The following DHODH variants were observed in gnomAD, a reference collection of about 807,000 sequenced individuals.
DHODH encodes dihydroorotate dehydrogenase (quinone).
DHODH carries 30 observed loss-of-function variants against 39.7 expected under a neutral mutation model. The observed-to-expected ratio is 0.76, with a 90% CI of 0.57 to 1.02. The LOEUF (loss-of-function observed/expected upper bound fraction) is 1.02, where lower values mean the gene tolerates loss of function less well. Among genes scored for constraint, DHODH ranks in the 50% least tolerant of loss-of-function variants. The probability of loss-of-function intolerance (pLI) is 0.00; values close to 1 mark genes in which losing one functional copy is unlikely to be tolerated. For missense variants in DHODH, 531 were observed against 520.8 expected, an observed-to-expected ratio of 1.02 and a Z score of -0.19; for synonymous variants, 222 against 213.8, an observed-to-expected ratio of 1.04 and a Z score of -0.34.
chr16:72,018,184 C>T (rs1169316350), intron 4 of DHODH, among the ~76,000 whole-genome samples: 4 of 152,316 alleles, frequency 2.6e-5, no homozygotes, highest in East Asian at 3.9e-4. Flanking sequence ...TGTCCTGACC[C>T]TAATGCCCCT....
intron 5 of DHODH, among the ~76,000 whole-genome samples, chr16:72,021,770 C>T (rs1228168491): frequency 6.6e-6 from 1 of 152,132 alleles, no homozygotes; most frequent in Non-Finnish European, 1.5e-5. Flanking sequence ...TTGAGACCAG[C>T]CTGGGCAAAA....
In DHODH at chr16:72,027,584, C is replaced by G. The variant is rs2041286707; in HGVS notation, c.*3385C>G. The G allele has an allele frequency of 6.6e-6, 1 of 152,220 alleles. No homozygotes were observed. The highest frequency in any genetic ancestry group is 1.5e-5 in the Non-Finnish European group (1 of 68,046). The allele number at this position is 152,220 out of a possible 1,614,324, so 9.4% of individuals were successfully genotyped here. ...GCAGAATTCCAAATGTTATTTACAT[C>G]ACTCACTCTTGTGTGGAGTGCATAA... On this transcript the variant is annotated 3_prime_UTR_variant, in exon 9 of 9. Transcript: ENST00000219240.
chr16:72,008,837 C>A, intron 1 of DHODH, 52 bp downstream of exon 1: 1 of 1,552,016 alleles, frequency 6.4e-7, no homozygotes, highest in Non-Finnish European at 8.7e-7. Flanking sequence ...CCGGGGAGGG[C>A]GAGAACGGAG....
rs1018299876 is a variant in DHODH at position 72,015,237 on chromosome 16, A to G, written c.434+565A>G. Among the ~76,000 whole-genome samples the G allele has an allele frequency of 5.3e-4, 81 of 152,368 alleles. 1 individual carries two copies. Among genetic ancestry groups the G allele is most frequent in the African/African-American group, 1.7e-3 (72 of 41,586 alleles). Reference sequence around the variant, plus strand: ...TTCTTTTGCCTGTACCAAGTCTTCAAGAGCCAGTGTGCATTTTACTTCCAG... The same window carrying G: ...TTCTTTTGCCTGTACCAAGTCTTCAGGAGCCAGTGTGCATTTTACTTCCAG... On this transcript the variant is annotated intron_variant, in intron 3 of 8. Coordinates refer to ENST00000219240, the MANE Select transcript of DHODH (RefSeq NM_001361.5).
intron 1 of DHODH, chr16:72,008,988 C>G (rs2041051423): frequency 6.8e-7 from 1 of 1,466,196 alleles, no homozygotes. Context: ...GTGCAGACAG[C>G]GCCTGCAGGT....
chr16:72,014,828 G>A (rs749711209), intron 3 of DHODH, among the ~76,000 whole-genome samples, 156 bp downstream of exon 3: 8 of 152,136 alleles, frequency 5.3e-5, no homozygotes, highest in Admixed American at 2.6e-4. Flanking sequence ...TCTACTATGT[G>A]CCCCAGGCAT....
chr16:72,022,597 T>C (rs914670061), intron 6 of DHODH, 122 bp downstream of exon 6: 37 of 813,718 alleles, frequency 4.5e-5, no homozygotes, highest in Non-Finnish European at 5.3e-5. Flanking sequence ...CAAGGCTGGT[T>C]TGGTGTGTGT....
intron 2 of DHODH, among the ~76,000 whole-genome samples, chr16:72,012,578 C>G (rs8061292): frequency 6.6e-6 from 1 of 152,202 alleles, no homozygotes; most frequent in Admixed American, 6.5e-5. Flanking sequence ...TCAAGTCACA[C>G]AGCTAGGAGG....
At chr16:72,009,232 G>C (rs1348660348) in intron 1 of DHODH, 1 of 738,056 alleles carries the variant, frequency 1.4e-6, no homozygotes, top group East Asian at 1.2e-4. Context: ...GGCCGGGCGC[G>C]GTGGCTCACG....
At chr16:72,014,443 G>A (rs553151962) in intron 2 of DHODH, 30 bp from the exon 3 acceptor site, 39 of 1,600,974 alleles carry the variant, frequency 2.4e-5, no homozygotes, top group South Asian at 6.6e-5. Flanking sequence ...TAGCCTTAGC[G>A]TGCCTCTGAC....
chr16:72,023,268 TC>T lies in DHODH; in HGVS notation c.925del (p.Arg309GlyfsTer21). The T allele has an allele frequency of 8.7e-6, 14 of 1,614,190 alleles. No homozygotes were observed. Among genetic ancestry groups the T allele is most frequent in the Non-Finnish European group, 1.1e-5 (13 of 1,180,038 alleles). On this transcript the variant is annotated frameshift_variant, in exon 7 of 9. Coordinates refer to ENST00000219240, the MANE Select transcript of DHODH (RefSeq NM_001361.5). LOFTEE classifies it high-confidence loss of function. ...SETGGLSGKP[L>X]RDLSTQTIRE... is the part of the protein sequence containing the mutation. The stretch of plus-strand genomic sequence containing the variant: ...ACAGGAGGGCTGAGTGGGAAGCCCC[TC>T]CGGGATTTATCAACTCAAACCATTC...
rs148338434 is a variant in DHODH, at chr16:72,025,373, T to G, written c.*1174T>G. ...TGTTATCTGTTTAGTTACTTTATGT[T>G]TTCATACAAATGACATCATCCCACA... On this transcript the variant is annotated 3_prime_UTR_variant, in exon 9 of 9. Transcript: ENST00000219240. 15 of 152,374 alleles carry G rather than the reference T, an allele frequency of 9.8e-5. No homozygotes were observed. The East Asian group carries it at 2.7e-3, about 27-fold the overall frequency. 9.4% of individuals were successfully genotyped at this position (152,374 alleles called of 1,614,324 possible). A position where few individuals can be genotyped will look rare whatever the true frequency, so the allele number is the denominator to read the frequency against.
chr16:72,026,990 TGTGTGTGTGTGTG>T lies in DHODH; in HGVS notation c.*2792_*2804del, dbSNP rs2041281895. On this transcript the variant is annotated 3_prime_UTR_variant, in exon 9 of 9. Transcript: ENST00000219240. ...GTGTGTGTGTGTGTGTGTGTGTGTGTGTGTGTGTGTGTGTGTGTGTTTTTGAGATGGAGTCCTG... is the reference window on the plus strand; with the variant it reads ...GTGTGTGTGTGTGTGTGTGTGTGTGTTGTGTGTTTTTGAGATGGAGTCCTG... 1 of 145,334 alleles carries T rather than the reference TGTGTGTGTGTGTG, an allele frequency of 6.9e-6. No individual in the cohort carries two copies. The allele number at this position is 145,334 out of a possible 1,614,324, so 9.0% of individuals were successfully genotyped here. A position where few individuals can be genotyped will look rare whatever the true frequency, so the allele number is the denominator to read the frequency against.
rs1475052765 is a variant in DHODH, at chr16:72,024,325, T to C, written c.*126T>C. On this transcript the variant is annotated 3_prime_UTR_variant, in exon 9 of 9. Transcript: ENST00000219240. ...TCCCCCAGCCATGGCATGGCTGCAC[T>C]GTAAACGCCAATCGGGGGGTCACCA... is the stretch of plus-strand genomic sequence containing the variant. 2.9e-6 allele frequency: 3 copies of C among 1,018,602 alleles called. No individual in the cohort carries two copies. The highest frequency in any genetic ancestry group is 3.2e-5 in the African/African-American group (2 of 63,296). 63.1% of individuals were successfully genotyped at this position (1,018,602 alleles called of 1,614,324 possible).
At chr16:72,015,538 T>C (rs779088443) in intron 3 of DHODH, 33 of 216,592 alleles carry the variant, frequency 1.5e-4, no homozygotes, top group South Asian at 1.5e-3. Flanking sequence ...GAGATTTCGA[T>C]GGGCATCTTT....
chr16:72,025,833 G>T lies in DHODH; in HGVS notation c.*1634G>T, dbSNP rs2041271470. The T allele has an allele frequency of 6.6e-6, 1 of 152,404 alleles. No individual in the cohort carries two copies. The highest frequency in any genetic ancestry group is 1.5e-5 in the Non-Finnish European group (1 of 68,094). The allele number at this position is 152,404 out of a possible 1,614,324, so 9.4% of individuals were successfully genotyped here. A position where few individuals can be genotyped will look rare whatever the true frequency, so the allele number is the denominator to read the frequency against. ...CATGTCCACTGAACACTGACTGTGG[G>T]CTGGATGCTGTGCCAAGGGCTTGAC... On this transcript the variant is annotated 3_prime_UTR_variant, in exon 9 of 9. Coordinates refer to ENST00000219240, the MANE Select transcript of DHODH (RefSeq NM_001361.5).
At chr16:72,018,100 C>T (rs576045849) in intron 4 of DHODH, among the ~76,000 whole-genome samples, 7 of 106,626 alleles carry the variant, frequency 6.6e-5, no homozygotes, top group African/African-American at 1.1e-4. Flanking sequence ...AAGACGCCTC[C>T]GGCGATGCGG....
intron 5 of DHODH, 147 bp from the exon 6 acceptor site, chr16:72,022,215 T>C (rs1459983590): frequency 6.0e-6 from 4 of 667,254 alleles, no homozygotes; most frequent in Non-Finnish European, 1.1e-5. Flanking sequence ...ACTCCTCACG[T>C]CTGAGGGCTG....
At chr16:72,019,430 T>C (rs1432568379) in intron 4 of DHODH, among the ~76,000 whole-genome samples, 1 of 152,236 alleles carries the variant, frequency 6.6e-6, no homozygotes, top group African/African-American at 2.4e-5. Context: ...CTTGGTGTTC[T>C]AATTCTTCCC....
Sources: gnomAD v4.1 joint callset for allele counts (sites outside exome capture counted in the v4.1 genomes callset) on GRCh38, gnomAD v4.1.1 for gene constraint, MANE v1.5 for transcripts, NCBI Gene and HGNC (gene_info 2026-07-23, HGNC 2026-07-21) for gene names.